Variants in ELMO1 observed in about 807,000 individuals in gnomAD.
The protein encoded by ELMO1 is engulfment and cell motility 1, also known as engulfment and cell motility protein 1.
In ELMO1, 26 loss-of-function variants were observed where a neutral mutation model predicts 98.9. That is an observed-to-expected ratio of 0.26 (90% CI 0.19 to 0.36). The LOEUF (loss-of-function observed/expected upper bound fraction) is 0.36, where lower values mean the gene tolerates loss of function less well. Ranked by LOEUF, ELMO1 falls within the 10% of genes least tolerant of loss-of-function variation. ELMO1 has a pLI of 1.00. For missense variants in ELMO1, 627 were observed against 935.2 expected (o/e 0.67, Z 4.30); for synonymous variants, 346 against 346.0 (o/e 1.00, Z 0.00).
At chr7:37,155,007 T>A (rs1451840295) in intron 13 of ELMO1, among the ~76,000 whole-genome samples, 5 of 152,154 alleles carry the variant, frequency 3.3e-5, no homozygotes, top group Admixed American at 1.3e-4. Flanking sequence ...GGGGCCAATA[T>A]TCAACATTCT....
intron 13 of ELMO1, among the ~76,000 whole-genome samples, chr7:37,134,651 G>C (rs1191543051): frequency 6.6e-6 from 1 of 151,514 alleles, no homozygotes; most frequent in Non-Finnish European, 1.5e-5. Flanking sequence ...CAAAGATATA[G>C]AATCCACCTA....
At chr7:37,168,445 G>T (rs1398292321) in intron 13 of ELMO1, among the ~76,000 whole-genome samples, 1 of 152,136 alleles carries the variant, frequency 6.6e-6, no homozygotes, top group Non-Finnish European at 1.5e-5. Flanking sequence ...TTTCTGCTCT[G>T]TTTTTTCCCC....
At chr7:36,897,349 T>TGA (rs1806114731) in intron 16 of ELMO1, among the ~76,000 whole-genome samples, 21 of 151,594 alleles carry the variant, frequency 1.4e-4, no homozygotes, top group South Asian at 6.3e-4. Context: ...TGTGTGTGTG[T>TGA]GAAAGAGTGT....
chr7:37,091,999 T>C (rs901661752), intron 15 of ELMO1, among the ~76,000 whole-genome samples: 6 of 152,088 alleles, frequency 3.9e-5, no homozygotes, highest in African/African-American at 1.4e-4. Flanking sequence ...CAAGATGAGA[T>C]TTGGGTGGGG....
At chr7:37,314,780 C>G in intron 4 of ELMO1, 70 bp downstream of exon 4, 2 of 1,475,132 alleles carry the variant, frequency 1.4e-6, no homozygotes, top group Non-Finnish European at 1.9e-6. Flanking sequence ...TAGGCCCGAA[C>G]AAAGAAAACA....
intron 6 of ELMO1, among the ~76,000 whole-genome samples, chr7:37,255,866 C>T (rs1018696103): frequency 6.0e-5 from 9 of 149,040 alleles, no homozygotes; most frequent in Non-Finnish European, 7.5e-5. Flanking sequence ...GAGGCAGCCT[C>T]CCCCAGGCCC....
intron 15 of ELMO1, among the ~76,000 whole-genome samples, chr7:37,046,694 G>A (rs532524732): frequency 6.6e-6 from 1 of 152,250 alleles, no homozygotes; most frequent in South Asian, 2.1e-4. Context: ...ACTCATGGAG[G>A]GATCAAGGGG....
chr7:37,448,260 C>T (rs890996933), intron 1 of ELMO1, among the ~76,000 whole-genome samples: 8 of 151,982 alleles, frequency 5.3e-5, no homozygotes, highest in African/African-American at 1.4e-4. Context: ...GCCCCACATC[C>T]CCCGTCCCCA....
chr7:37,340,883 G>A (rs1800676846), intron 2 of ELMO1, among the ~76,000 whole-genome samples: 2 of 152,268 alleles, frequency 1.3e-5, no homozygotes, highest in Admixed American at 1.3e-4. Flanking sequence ...ACTGACCATG[G>A]CAGAATCAAA....
chr7:37,167,569 A>G (rs1255671442), intron 13 of ELMO1, among the ~76,000 whole-genome samples: 1 of 150,732 alleles, frequency 6.6e-6, no homozygotes, highest in Admixed American at 6.6e-5. Context: ...GCTTGTCTGT[A>G]AAGTATTTTA....
intron 16 of ELMO1, among the ~76,000 whole-genome samples, chr7:36,948,293 A>G (rs1787673804): frequency 6.6e-6 from 1 of 152,146 alleles, no homozygotes. Flanking sequence ...CGCTAAGGCA[A>G]TGTGAGGGAC....
chr7:36,920,804 C>T (rs1785088165), intron 16 of ELMO1, among the ~76,000 whole-genome samples: 1 of 152,144 alleles, frequency 6.6e-6, no homozygotes, highest in South Asian at 2.1e-4. Context: ...TTAACTCTCC[C>T]ACAAGTCACT....
chr7:37,318,397 CAA>C (rs1054197895), intron 2 of ELMO1, among the ~76,000 whole-genome samples: 18 of 152,054 alleles, frequency 1.2e-4, no homozygotes, highest in African/African-American at 4.1e-4. Context: ...TACATTGAAA[CAA>C]AAAGTCAGGC....
intron 16 of ELMO1, among the ~76,000 whole-genome samples, chr7:36,954,795 G>A (rs527713806): frequency 5.3e-5 from 8 of 152,216 alleles, no homozygotes; most frequent in South Asian, 2.1e-4. Context: ...CACTGTCTTC[G>A]CAACTCATGA....
At chr7:37,095,980 T>C (rs938571635) in intron 15 of ELMO1, among the ~76,000 whole-genome samples, 19 of 152,244 alleles carry the variant, frequency 1.2e-4, no homozygotes, top group African/African-American at 3.9e-4. Context: ...GGTTAAATCA[T>C]ATCCACCTTG....
At chr7:37,402,198 C>G (rs879897021) in intron 1 of ELMO1, among the ~76,000 whole-genome samples, 1 of 152,074 alleles carries the variant, frequency 6.6e-6, no homozygotes, top group African/African-American at 2.4e-5. Flanking sequence ...CCTACAGCAA[C>G]AAAAAGTTAC....
intron 1 of ELMO1, among the ~76,000 whole-genome samples, chr7:37,428,710 TC>T (rs2131555202): frequency 6.6e-6 from 1 of 152,338 alleles, no homozygotes; most frequent in East Asian, 1.9e-4. Flanking sequence ...GCTCAGAAGA[TC>T]AGCTTTTTAC....
At chr7:37,314,978 T>A in intron 3 of ELMO1, 56 bp from the exon 4 acceptor site, 2 of 1,531,484 alleles carry the variant, frequency 1.3e-6, no homozygotes, top group East Asian at 2.3e-5. Context: ...TTTTCATTTT[T>A]ACAATTTTTT....
intron 1 of ELMO1, among the ~76,000 whole-genome samples, chr7:37,370,300 C>A (rs1802066012): frequency 6.6e-6 from 1 of 151,996 alleles, no homozygotes; most frequent in Non-Finnish European, 1.5e-5. Flanking sequence ...TTTTTGGGGC[C>A]CATTCATTTA....
Sources: allele counts gnomAD v4.1 joint callset (sites outside exome capture counted in the v4.1 genomes callset), GRCh38; gene constraint gnomAD v4.1.1; transcripts MANE v1.5; gene names NCBI Gene and HGNC (gene_info 2026-07-23, HGNC 2026-07-21).